The following RPS6KA2 variants were observed in gnomAD, a reference collection of about 807,000 sequenced individuals.
RPS6KA2 encodes ribosomal protein S6 kinase alpha-2.
RPS6KA2 carries 42 observed loss-of-function variants against 91.8 expected under a neutral mutation model. The observed-to-expected ratio is 0.46, with a 90% CI of 0.36 to 0.59. The LOEUF is 0.59. Ranked by LOEUF, RPS6KA2 falls within the 20% of genes least tolerant of loss-of-function variation. The pLI is 0.00. For synonymous variants in RPS6KA2, 414 were observed against 393.6 expected (o/e 1.05, Z -0.61); for missense variants, 798 against 978.5 (o/e 0.82, Z 2.46).
intron 2 of RPS6KA2, among the ~76,000 whole-genome samples, chr6:166,831,290 C>G (rs1780176412): frequency 6.6e-6 from 1 of 152,170 alleles, no homozygotes. Flanking sequence ...GAGGCCTCAC[C>G]AGGGATCCCT....
In RPS6KA2 at chr6:166,770,761, G is replaced by T; in HGVS notation, c.123+87439C>A. The T allele has an allele frequency of 1.7e-6, 2 of 1,186,514 alleles. No homozygotes were observed. The highest frequency in any genetic ancestry group is 2.4e-6 in the Non-Finnish European group (2 of 841,186). The allele number at this position is 1,186,514 out of a possible 1,614,324, so 73.5% of individuals were successfully genotyped here. ...TGCCTTGCTGGACTCCGGGCACCGT[G>T]AAACAACTCAATAAATTGAAAAAGA... On this transcript the variant is annotated intron_variant, in intron 2 of 21. Transcript: ENST00000503859. This position sits in a 1 kb window ranked among gnomAD's most constrained non-coding sequence, Gnocchi z 5.1.
chr6:166,715,684 A>C (rs902709327), intron 2 of RPS6KA2, among the ~76,000 whole-genome samples: 8 of 152,194 alleles, frequency 5.3e-5, no homozygotes, highest in African/African-American at 1.9e-4. Context: ...CGGAGCCTGC[A>C]CACACACGGC....
At position 166,730,647 on chromosome 6, in the gene RPS6KA2, A is replaced by G. The variant is rs187435059; in HGVS notation, c.123+127553T>C. Among the ~76,000 whole-genome samples the G allele has an allele frequency of 2.0e-4, 31 of 152,334 alleles. No homozygotes were observed. The East Asian group carries it at 5.8e-3, about 28-fold the overall frequency. ...CAGCTTTTATTCTAAATTCTTCTCT[A>G]TAAACATTTGAAATCAGCTCTAGTC... On this transcript the variant is annotated intron_variant, in intron 2 of 21. Coordinates refer to the RPS6KA2 transcript ENST00000503859.
chr6:166,824,741 A>C (rs764685044), intron 2 of RPS6KA2, among the ~76,000 whole-genome samples: 3 of 83,154 alleles, frequency 3.6e-5, no homozygotes, highest in Non-Finnish European at 5.0e-5. Flanking sequence ...GTCTGTGTGT[A>C]TGTCTGTATG....
In RPS6KA2 at chr6:166,430,451, A is replaced by C. The variant is rs755293148; in HGVS notation, c.1581+2T>G. 6.2e-7 allele frequency: 1 copy of C among 1,608,786 alleles called. No homozygotes were observed. Among genetic ancestry groups the C allele is most frequent in the African/African-American group, 1.3e-5 (1 of 74,558 alleles). ...GAAGGCTGCCCCAGGCATGGCTCCT[A>C]CCCCCTGGGAATGGAGGTAGTCCAT... On this transcript the variant is annotated splice_donor_variant, in intron 16 of 20. Transcript: ENST00000265678. LOFTEE classifies it high-confidence loss of function.
intron 11 of RPS6KA2, among the ~76,000 whole-genome samples, chr6:166,461,073 G>A (rs935004392): frequency 1.3e-5 from 2 of 152,032 alleles, no homozygotes; most frequent in East Asian, 1.9e-4. Flanking sequence ...GCCAACAGAC[G>A]CCCCCGAGCT....
At chr6:166,819,017 G>C (rs1042562963) in intron 2 of RPS6KA2, among the ~76,000 whole-genome samples, 9 of 152,004 alleles carry the variant, frequency 5.9e-5, no homozygotes, top group Admixed American at 5.9e-4. Flanking sequence ...GACTATGGGG[G>C]TGTCAGCCTT....
rs80137249 is a variant in RPS6KA2 at position 166,852,498 on chromosome 6, C to T, written c.123+5702G>A. On this transcript the variant is annotated intron_variant, in intron 2 of 21. Coordinates refer to the RPS6KA2 transcript ENST00000503859. This position sits in a 1 kb window ranked among gnomAD's most constrained non-coding sequence, Gnocchi z 4.1. The stretch of plus-strand genomic sequence containing the variant: ...AGAGACATGAGAGGCAACGTGGCCG[C>T]ACAGGCGGTTTAGCCTGTCCCGGGC... 0.058 allele frequency among the ~76,000 whole-genome samples: 8,863 copies of T among 152,256 alleles called. 371 individuals carry two copies. The highest frequency in any genetic ancestry group is 0.11 in the African/African-American group (4,695 of 41,528).
intron 1 of RPS6KA2, among the ~76,000 whole-genome samples, chr6:166,602,302 T>C (rs1019168828): frequency 9.9e-5 from 15 of 152,240 alleles, no homozygotes; most frequent in Non-Finnish European, 2.2e-4. Context: ...TGGTAACATT[T>C]ACTATAGTTG....
At chr6:166,730,614 G>C (rs978038144) in intron 2 of RPS6KA2, among the ~76,000 whole-genome samples, 3 of 152,090 alleles carry the variant, frequency 2.0e-5, no homozygotes, top group Non-Finnish European at 4.4e-5. Flanking sequence ...CTAAGTTTTT[G>C]TCATTCACAG....
chr6:166,796,674 C>T (rs1779233532), intron 2 of RPS6KA2, among the ~76,000 whole-genome samples: 1 of 152,254 alleles, frequency 6.6e-6, no homozygotes, highest in African/African-American at 2.4e-5. Context: ...CTCTCCCTTT[C>T]CCTGCTAAGT....
intron 2 of RPS6KA2, among the ~76,000 whole-genome samples, chr6:166,654,234 C>T (rs899816724): frequency 5.9e-5 from 9 of 152,208 alleles, no homozygotes; most frequent in African/African-American, 2.2e-4. Flanking sequence ...GTACCCACAG[C>T]TGCATTTTGC....
chr6:166,535,900 G>A (rs1583253261), intron 2 of RPS6KA2, among the ~76,000 whole-genome samples: 1 of 152,228 alleles, frequency 6.6e-6, no homozygotes, highest in Non-Finnish European at 1.5e-5. Context: ...GACGCTTCCC[G>A]CTGGTGGTGA....
chr6:166,702,839 T>C (rs1479561078), intron 2 of RPS6KA2: 6 of 985,934 alleles, frequency 6.1e-6, no homozygotes, highest in Non-Finnish European at 9.5e-6. Context: ...GGTTTGTTCA[T>C]TGTGAAGAAT....
chr6:166,623,860 T>C (rs1033877298), intron 1 of RPS6KA2, among the ~76,000 whole-genome samples: 1 of 152,234 alleles, frequency 6.6e-6, no homozygotes, highest in Non-Finnish European at 1.5e-5. Context: ...TCTATGCTGA[T>C]AGAGGACAAA....
chr6:166,634,495 C>A (rs957948886), intron 2 of RPS6KA2, among the ~76,000 whole-genome samples: 5 of 152,330 alleles, frequency 3.3e-5, no homozygotes, highest in African/African-American at 1.2e-4. Context: ...CACTCAGATG[C>A]TTCCCTGTAA....
At chr6:166,583,631 C>A (rs142533914) in intron 1 of RPS6KA2, among the ~76,000 whole-genome samples, 1 of 152,148 alleles carries the variant, frequency 6.6e-6, no homozygotes, top group Non-Finnish European at 1.5e-5. Flanking sequence ...CATTAAAAAC[C>A]GAAGCTAAGC....
At chr6:166,783,388 C>G (rs1778823296) in intron 2 of RPS6KA2, among the ~76,000 whole-genome samples, 3 of 152,182 alleles carry the variant, frequency 2.0e-5, no homozygotes, top group East Asian at 1.9e-4. Context: ...AGCCTTGAGA[C>G]TAGAACATCT....
intron 2 of RPS6KA2, among the ~76,000 whole-genome samples, chr6:166,728,191 G>C (rs914863195): frequency 6.6e-6 from 1 of 152,222 alleles, no homozygotes; most frequent in Non-Finnish European, 1.5e-5. Context: ...CCTGGAACCA[G>C]ATGCAGAGGG....
Sources: allele counts gnomAD v4.1 joint callset (sites outside exome capture counted in the v4.1 genomes callset), GRCh38; gene constraint gnomAD v4.1.1; non-coding constraint Gnocchi (gnomAD v3.1); transcripts MANE v1.5; gene names NCBI Gene and HGNC (gene_info 2026-07-23, HGNC 2026-07-21).